Variants in CPLX2 observed in about 807,000 individuals in gnomAD.
CPLX2 encodes complexin 2.
CPLX2 carries 5 observed loss-of-function variants against 16.3 expected under a neutral mutation model. The ratio of observed to expected loss-of-function variants is 0.31; its 90% CI spans 0.16 to 0.64. The LOEUF (loss-of-function observed/expected upper bound fraction) is 0.64. CPLX2 is among the 30% of genes least tolerant of loss of function. CPLX2 has a pLI of 0.79. For missense variants in CPLX2, 144 were observed against 181.4 expected (o/e 0.79, Z 1.18); for synonymous variants, 89 against 73.2 (o/e 1.22, Z -1.10).
At chr5:175,815,660 A>G (rs1758394738) in intron 2 of CPLX2, among the ~76,000 whole-genome samples, 1 of 152,230 alleles carries the variant, frequency 6.6e-6, no homozygotes, top group Non-Finnish European at 1.5e-5. Context: ...CATGGGAACT[A>G]ACTTCTACTC....
chr5:175,879,011 G>A lies in CPLX2; in HGVS notation c.135G>A (p.Glu45=), dbSNP rs1370935392. 1.9e-6 allele frequency: 3 copies of A among 1,596,090 alleles called. No homozygotes were observed. The highest frequency in any genetic ancestry group is 1.3e-5 in the African/African-American group (1 of 74,242). The change falls in exon 3 of 4, where the codon GAG becomes GAA. Residue 45 remains glutamate, a synonymous_variant. Coordinates refer to ENST00000393745, the MANE Select transcript of CPLX2 (RefSeq NM_001008220.2). ...EERQEALRQQ[E]EERKAKHARM... is the part of the protein sequence containing the mutation. ...GGCAGGAGGCGCTGCGGCAGCAGGA[G>A]GAGGAGCGTAAGGCCAAGCACGCGC...
Position 175,883,789 on chromosome 5 carries a change from G to C in CPLX2, c.*3744G>C. 1 of 152,856 alleles carries C rather than the reference G, an allele frequency of 6.5e-6. No homozygotes were observed. 9.5% of individuals were successfully genotyped at this position (152,856 alleles called of 1,614,324 possible). ...GAGCGGGGAGTCCTGGTGAGACCCCGGTGAGATGGACCATCCTGCCCCCGT... is the reference window on the plus strand; with the variant it reads ...GAGCGGGGAGTCCTGGTGAGACCCCCGTGAGATGGACCATCCTGCCCCCGT... On this transcript the variant is annotated 3_prime_UTR_variant, in exon 4 of 4. Coordinates refer to ENST00000393745, the MANE Select transcript of CPLX2 (RefSeq NM_001008220.2).
chr5:175,871,464 A>AGAGAGAGAGAGAGAGAGAGAGAGG (rs1759612961), upstream of CPLX2: 11 of 93,320 alleles, frequency 1.2e-4, 1 homozygote, highest in African/African-American at 3.5e-4. Flanking sequence ...AGAGAGAGAG[A>AGAGAGAGAGAGAGAGAGAGAGAGG]GAGAGAGAGA....
intron 2 of CPLX2, among the ~76,000 whole-genome samples, chr5:175,829,498 G>A (rs1479944784): frequency 6.6e-6 from 1 of 152,164 alleles, no homozygotes; most frequent in African/African-American, 2.4e-5. Flanking sequence ...GGGACTAGGT[G>A]GGCCTCGAGC....
intron 2 of CPLX2, among the ~76,000 whole-genome samples, chr5:175,824,997 C>T (rs1561774906): frequency 6.6e-6 from 1 of 152,160 alleles, no homozygotes; most frequent in Non-Finnish European, 1.5e-5. Flanking sequence ...CCATTCCCTC[C>T]TCTGAGGAAC....
chr5:175,800,423 T>C (rs1758070846), intron 1 of CPLX2, among the ~76,000 whole-genome samples: 1 of 150,632 alleles, frequency 6.6e-6, no homozygotes, highest in Non-Finnish European at 1.5e-5. Context: ...AGGCGAAGGG[T>C]GCAGTGAGCT....
rs933707801 is a variant in CPLX2, at chr5:175,849,724, T to C, written c.-88-28928T>C. Reference sequence around the variant, plus strand: ...TGGACTCACCTGAGCCTCTCGGTGTTATAGCTCCCCTGCTGCGTGAGCTCC... The same window carrying C: ...TGGACTCACCTGAGCCTCTCGGTGTCATAGCTCCCCTGCTGCGTGAGCTCC... On this transcript the variant is annotated intron_variant, in intron 2 of 4. Coordinates refer to the CPLX2 transcript ENST00000359546. The surrounding 1 kb of genome is among the most constrained non-coding windows in gnomAD (Gnocchi z 4.4). Among the ~76,000 whole-genome samples, 3 of 151,912 alleles carry C rather than the reference T, an allele frequency of 2.0e-5. No homozygotes were observed. The highest frequency in any genetic ancestry group is 6.6e-5 in the Admixed American group (1 of 15,264).
At chr5:175,813,248 C>T (rs940141378) in intron 2 of CPLX2, among the ~76,000 whole-genome samples, 2 of 152,188 alleles carry the variant, frequency 1.3e-5, no homozygotes, top group African/African-American at 4.8e-5. Flanking sequence ...ATGGCATTTC[C>T]TCTGAAAATA....
intron 2 of CPLX2, among the ~76,000 whole-genome samples, chr5:175,817,418 G>T (rs1475595971): frequency 6.6e-6 from 1 of 152,160 alleles, no homozygotes; most frequent in Non-Finnish European, 1.5e-5. Flanking sequence ...ATGTCCTAAC[G>T]CACAGTATGA....
chr5:175,862,965 T>C (rs1759400618), intron 2 of CPLX2, among the ~76,000 whole-genome samples: 1 of 152,206 alleles, frequency 6.6e-6, no homozygotes, highest in Admixed American at 6.5e-5. Flanking sequence ...AGAGGAGTGA[T>C]GCAGTCAACT....
upstream of CPLX2, among the ~76,000 whole-genome samples, chr5:175,868,853 G>C (rs891451028): frequency 6.6e-5 from 10 of 152,330 alleles, no homozygotes; most frequent in Non-Finnish European, 1.3e-4. Context: ...ACAGAACTCA[G>C]TGTCAGGCAA....
chr5:175,865,084 GCGCGCGCA>G (rs1759448109), intron 2 of CPLX2, among the ~76,000 whole-genome samples: 2 of 24,806 alleles, frequency 8.1e-5, no homozygotes, highest in Admixed American at 5.9e-4. Context: ...ACGCATGTGC[GCGCGCGCA>G]CACACACACA....
Position 175,880,318 on chromosome 5 carries a change from G to A in CPLX2, c.*273G>A, listed in dbSNP as rs1755551769. On this transcript the variant is annotated 3_prime_UTR_variant, in exon 4 of 4. Transcript: ENST00000393745. ...GGGGCCCCTCAGGAAGCCTAAGGTC[G>A]TGCTAGTGTGGTGACCCCCATACAT... is the stretch of plus-strand genomic sequence containing the variant. 1.6e-5 allele frequency: 8 copies of A among 507,178 alleles called. No homozygotes were observed. The highest frequency in any genetic ancestry group is 5.9e-5 in the South Asian group (3 of 50,860). 31.4% of individuals were successfully genotyped at this position (507,178 alleles called of 1,614,324 possible).
rs1758724960 is a variant in CPLX2, at chr5:175,830,959, C to T, written c.-89+21891C>T. On this transcript the variant is annotated intron_variant, in intron 2 of 4. Transcript: ENST00000359546. This position sits in a 1 kb window ranked among gnomAD's most constrained non-coding sequence, Gnocchi z 4.0. ...TGTGTTCGTGCTCACACAGTTGTGT[C>T]AGTGCGATTGTGAGCATGGCTGGGG... Among the ~76,000 whole-genome samples the T allele has an allele frequency of 6.6e-6, 1 of 152,226 alleles. No individual in the cohort carries two copies. The highest frequency in any genetic ancestry group is 2.4e-5 in the African/African-American group (1 of 41,458).
At chr5:175,831,847 G>A (rs1380042851) in intron 2 of CPLX2, among the ~76,000 whole-genome samples, 1 of 152,236 alleles carries the variant, frequency 6.6e-6, no homozygotes, top group Non-Finnish European at 1.5e-5. Flanking sequence ...AGCTAGTGAG[G>A]AGATGGGCGA....
intron 2 of CPLX2, among the ~76,000 whole-genome samples, chr5:175,818,789 G>C (rs111288476): frequency 2.5e-4 from 37 of 146,870 alleles, no homozygotes; most frequent in African/African-American, 9.3e-4. Context: ...AGCCTCCCAA[G>C]TAGCTGGGAC....
chr5:175,873,887 C>A (rs900280500), intron 1 of CPLX2, among the ~76,000 whole-genome samples: 1 of 152,186 alleles, frequency 6.6e-6, no homozygotes, highest in African/African-American at 2.4e-5. Flanking sequence ...AGGATTTGAA[C>A]TGGCAGAGAT....
intron 2 of CPLX2, among the ~76,000 whole-genome samples, chr5:175,810,649 C>T (rs1233036202): frequency 6.6e-6 from 1 of 152,198 alleles, no homozygotes; most frequent in African/African-American, 2.4e-5. Context: ...TATCTCCACC[C>T]TCTCTTTCTT....
chr5:175,803,038 G>A (rs1028545817), intron 1 of CPLX2, among the ~76,000 whole-genome samples: 4 of 152,112 alleles, frequency 2.6e-5, no homozygotes, highest in African/African-American at 4.8e-5. Flanking sequence ...CACCGTGTTG[G>A]CCAGGTTGGT....
Sources: allele counts gnomAD v4.1 joint callset (sites outside exome capture counted in the v4.1 genomes callset), GRCh38; gene constraint gnomAD v4.1.1; non-coding constraint Gnocchi (gnomAD v3.1); transcripts MANE v1.5; gene names NCBI Gene and HGNC (gene_info 2026-07-23, HGNC 2026-07-21).